The following RBM47 variants were observed in gnomAD, a reference collection of about 807,000 sequenced individuals.
RBM47 encodes the protein RNA binding motif protein 47, also known as RNA-binding protein 47.
A neutral mutation model predicts 47.1 loss-of-function variants in RBM47; 21 were observed. The observed-to-expected ratio is 0.45, with a 90% confidence interval of 0.32 to 0.64. RBM47 has a LOEUF of 0.64. Among genes scored for constraint, RBM47 ranks in the 30% least tolerant of loss-of-function variants. RBM47 has a pLI of 0.05. For missense variants in RBM47, 708 were observed against 870.9 expected (o/e 0.81, Z 2.35); for synonymous variants, 375 against 361.7 (o/e 1.04, Z -0.42).
At chr4:40,498,545 G>T (rs1560421656) in intron 2 of RBM47, among the ~76,000 whole-genome samples, 2 of 151,856 alleles carry the variant, frequency 1.3e-5, no homozygotes, top group South Asian at 4.2e-4. Context: ...TGGCATGGTG[G>T]TGCTTGTCTG....
chr4:40,493,509 C>T (rs1038411403), intron 2 of RBM47, among the ~76,000 whole-genome samples: 8 of 152,086 alleles, frequency 5.3e-5, no homozygotes, highest in African/African-American at 4.8e-5. Flanking sequence ...TTTGGCCTGG[C>T]GCAGTGGCTC....
At chr4:40,555,283 T>C (rs899106882) in intron 1 of RBM47, among the ~76,000 whole-genome samples, 1 of 152,168 alleles carries the variant, frequency 6.6e-6, no homozygotes, top group Non-Finnish European at 1.5e-5. Flanking sequence ...GCCCAGCTGG[T>C]CTCAAACTCC....
chr4:40,458,270 CAT>C (rs1213585523), intron 3 of RBM47, among the ~76,000 whole-genome samples: 1 of 152,184 alleles, frequency 6.6e-6, no homozygotes, highest in Admixed American at 6.5e-5. Flanking sequence ...AACAGACTGA[CAT>C]AGTCAAACAT....
At chr4:40,454,894 T>G (rs548768271) in intron 3 of RBM47, among the ~76,000 whole-genome samples, 9 of 152,054 alleles carry the variant, frequency 5.9e-5, no homozygotes, top group African/African-American at 1.9e-4. Context: ...AAGCCAAAGC[T>G]CTTTCTACCA....
chr4:40,588,140 T>C (rs910734872), intron 1 of RBM47, among the ~76,000 whole-genome samples: 1 of 152,162 alleles, frequency 6.6e-6, no homozygotes, highest in African/African-American at 2.4e-5. Context: ...AAATAAAGGA[T>C]ACGCAGTAAA....
At chr4:40,471,401 A>C (rs1054133502) in intron 2 of RBM47, among the ~76,000 whole-genome samples, 25 of 152,076 alleles carry the variant, frequency 1.6e-4, no homozygotes, top group Non-Finnish European at 1.9e-4. Context: ...GGACCGTTTA[A>C]AAAATATACA....
intron 2 of RBM47, among the ~76,000 whole-genome samples, chr4:40,495,022 G>C (rs73145568): frequency 0.027 from 4,085 of 152,080 alleles, 205 homozygotes; most frequent in African/African-American, 0.094. Context: ...GCCTAGGCTA[G>C]TCTCGAATTC....
At chr4:40,439,236 C>T (rs1713252544) in intron 3 of RBM47, among the ~76,000 whole-genome samples, 1 of 152,140 alleles carries the variant, frequency 6.6e-6, no homozygotes, top group Admixed American at 6.5e-5. Context: ...TTGGTAAAAA[C>T]CTCACGTTCT....
chr4:40,600,068 C>T (rs758757090), intron 1 of RBM47, among the ~76,000 whole-genome samples: 2 of 152,032 alleles, frequency 1.3e-5, no homozygotes, highest in Admixed American at 1.3e-4. Flanking sequence ...AGTCCACTGG[C>T]GCCATCATAG....
At chr4:40,446,556 A>T (rs1260272285) in intron 3 of RBM47, among the ~76,000 whole-genome samples, 1 of 151,942 alleles carries the variant, frequency 6.6e-6, no homozygotes, top group African/African-American at 2.4e-5. Context: ...TGGGCAACAT[A>T]GTGAGACCCC....
intron 1 of RBM47, among the ~76,000 whole-genome samples, chr4:40,574,128 C>T (rs371220767): frequency 1.3e-5 from 2 of 152,114 alleles, no homozygotes; most frequent in South Asian, 4.1e-4. Context: ...AATGGTCTTC[C>T]GTTCTGCAGC....
intron 2 of RBM47, among the ~76,000 whole-genome samples, chr4:40,540,319 T>C (rs1728387604): frequency 6.6e-6 from 1 of 152,038 alleles, no homozygotes; most frequent in African/African-American, 2.4e-5. Context: ...CAAAAGAGAA[T>C]ATAAGAAGGA....
chr4:40,585,963 T>C (rs548900112), intron 1 of RBM47, among the ~76,000 whole-genome samples: 1 of 152,360 alleles, frequency 6.6e-6, no homozygotes, highest in South Asian at 2.1e-4. Context: ...TCTTTATCTC[T>C]GGCTTCCTCC....
In RBM47 at chr4:40,523,827, T is replaced by C. The variant is rs192000889; in HGVS notation, c.-155+20595A>G. Among the ~76,000 whole-genome samples, 111 of 147,512 alleles carry C rather than the reference T, an allele frequency of 7.5e-4. 1 individual carries two copies. In the East Asian group the frequency reaches 0.019, roughly 25 times the overall value. ...CGGCAGTGAGCAGTAATCGCGCCACTGCACTCCAGCTTGGGTGACAGAGTG... is the reference window on the plus strand; with the variant it reads ...CGGCAGTGAGCAGTAATCGCGCCACCGCACTCCAGCTTGGGTGACAGAGTG... On this transcript the variant is annotated intron_variant, in intron 2 of 6. Transcript: ENST00000295971.
chr4:40,627,631 T>A (rs1214578444), intron 1 of RBM47, among the ~76,000 whole-genome samples: 1 of 152,212 alleles, frequency 6.6e-6, no homozygotes, highest in Non-Finnish European at 1.5e-5. Context: ...CCCAATCTTT[T>A]AAAAAATCAT....
chr4:40,515,235 C>T (rs78822559), intron 2 of RBM47, among the ~76,000 whole-genome samples: 6 of 152,108 alleles, frequency 3.9e-5, no homozygotes, highest in African/African-American at 1.4e-4. Context: ...CCTCCTGGTA[C>T]CACCAGGGTT....
rs965079020 is a variant in RBM47 at position 40,437,690 on chromosome 4, C to A, written c.1123+81G>T. 2.1e-5 allele frequency: 29 copies of A among 1,404,204 alleles called. No homozygotes were observed. In the Admixed American group the frequency reaches 6.2e-4, roughly 30 times the overall value. The allele number at this position is 1,404,204 out of a possible 1,614,324, so 87.0% of individuals were successfully genotyped here. ...TCAGCACCTACCAGCTCAGCAAATGCCAGCCACGGTATCCCTGGTGCCCCC... is the reference window on the plus strand; with the variant it reads ...TCAGCACCTACCAGCTCAGCAAATGACAGCCACGGTATCCCTGGTGCCCCC... On this transcript the variant is annotated intron_variant, in intron 4 of 6. Coordinates refer to ENST00000295971, the MANE Select transcript of RBM47 (RefSeq NM_001098634.2).
chr4:40,504,247 G>A (rs138567410), intron 2 of RBM47, among the ~76,000 whole-genome samples: 1,560 of 151,570 alleles, frequency 0.01, 10 homozygotes, highest in Middle Eastern at 0.017. Context: ...AATAAGCTGG[G>A]GTCTTTCATG....
chr4:40,617,796 C>T (rs906515591), intron 1 of RBM47, among the ~76,000 whole-genome samples: 13 of 150,308 alleles, frequency 8.6e-5, no homozygotes, highest in Middle Eastern at 3.2e-3. Flanking sequence ...ATGTTTGCCC[C>T]CAACCCCCTT....
Sources: allele counts gnomAD v4.1 joint callset (sites outside exome capture counted in the v4.1 genomes callset), GRCh38; gene constraint gnomAD v4.1.1; transcripts MANE v1.5; gene names NCBI Gene and HGNC (gene_info 2026-07-23, HGNC 2026-07-21).